The following CTTNBP2 variants were observed in gnomAD, a reference collection of about 807,000 sequenced individuals.
CTTNBP2 encodes cortactin binding protein 2, also known as cortactin-binding protein 2.
CTTNBP2 carries 108 observed loss-of-function variants against 156.9 expected under a neutral mutation model. That is an observed-to-expected ratio of 0.69 (90% CI 0.59 to 0.81). CTTNBP2 has a LOEUF of 0.81. Among genes scored for constraint, CTTNBP2 ranks in the 30% least tolerant of loss-of-function variants. CTTNBP2 has a pLI of 0.00. For synonymous variants in CTTNBP2, 767 were observed against 751.8 expected (o/e 1.02, Z -0.33); for missense variants, 1,924 against 2,035.4 (o/e 0.95, Z 1.05).
chr7:117,864,319 T>TA (rs1482065395), intron 1 of CTTNBP2, among the ~76,000 whole-genome samples: 1 of 152,128 alleles, frequency 6.6e-6, no homozygotes, highest in Non-Finnish European at 1.5e-5. Flanking sequence ...GTTTGAAACA[T>TA]ACAGTGCATC....
At chr7:117,856,322 T>C (rs1160152967) in intron 2 of CTTNBP2, among the ~76,000 whole-genome samples, 4 of 152,226 alleles carry the variant, frequency 2.6e-5, no homozygotes, top group African/African-American at 9.6e-5. Context: ...AGCATGCTGA[T>C]GAGGCTAACT....
chr7:117,815,610 C>G (rs903235621), intron 2 of CTTNBP2, among the ~76,000 whole-genome samples: 12 of 152,136 alleles, frequency 7.9e-5, no homozygotes, highest in Non-Finnish European at 1.6e-4. Flanking sequence ...GGATGCTGGG[C>G]AGCGCTGACT....
chr7:117,811,146 C>T (rs1363992678), intron 2 of CTTNBP2, among the ~76,000 whole-genome samples, 157 bp from the exon 3 acceptor site: 1 of 152,066 alleles, frequency 6.6e-6, no homozygotes, highest in Non-Finnish European at 1.5e-5. Flanking sequence ...AAATGTGACC[C>T]CCAGTCTCCA....
intron 3 of CTTNBP2, among the ~76,000 whole-genome samples, chr7:117,796,061 C>T (rs748545650): frequency 1.3e-5 from 2 of 152,180 alleles, no homozygotes; most frequent in Non-Finnish European, 2.9e-5. Flanking sequence ...AACATTCAAA[C>T]TCACTCACTT....
rs922071824 is a variant in CTTNBP2, at chr7:117,728,159, C to A, written c.3985G>T (p.Glu1329Ter). ...AAATATTTTGGTCCAAGAAGTGCTT[C>A]AGGTGTGCCCAAGCGGGCCAGGCAG... Reference protein sequence around the residue: ...NSCLARLGTPEALLGPKYFLS... With the variant: ...NSCLARLGTP Residue 1329 changes from glutamate (E) to a stop codon, truncating the protein, a stop_gained, in exon 17 of 23, where the codon GAA becomes TAA. Transcript: ENST00000160373. LOFTEE classifies it high-confidence loss of function. The A allele has an allele frequency of 6.2e-7, 1 of 1,614,168 alleles. No homozygotes were observed. The highest frequency in any genetic ancestry group is 8.5e-7 in the Non-Finnish European group (1 of 1,180,012).
At chr7:117,718,432 ATTACC>A (rs940607716) in intron 21 of CTTNBP2, among the ~76,000 whole-genome samples, 2 of 152,256 alleles carry the variant, frequency 1.3e-5, no homozygotes, top group African/African-American at 4.8e-5. Context: ...GATTTTAATC[ATTACC>A]TTACTTTTCC....
intron 9 of CTTNBP2, among the ~76,000 whole-genome samples, chr7:117,764,646 T>C (rs138460714): frequency 1.5e-4 from 23 of 152,326 alleles, no homozygotes; most frequent in African/African-American, 5.5e-4. Flanking sequence ...GTATTTCAGG[T>C]GATTTATATA....
rs1584899820 is a variant in CTTNBP2 at position 117,725,198 on chromosome 7, G to A, written c.4115C>T (p.Ser1372Leu). Residue 1372 changes from serine to leucine, a missense_variant, in exon 18 of 23, where the codon TCA (serine) becomes TTA (leucine). Transcript: ENST00000160373. ...IAPRVQEAIL[S>L]RASVKRQPGF... Reference sequence around the variant, plus strand: ...AGGTTGTCTTTTCACAGAGGCTCTTGACAATATTGCTTCTTGAACTCTGGG... The same window carrying A: ...AGGTTGTCTTTTCACAGAGGCTCTTAACAATATTGCTTCTTGAACTCTGGG... 3 of 1,614,070 alleles carry A rather than the reference G, an allele frequency of 1.9e-6. No individual in the cohort carries two copies. In the East Asian group the frequency reaches 6.7e-5, roughly 36 times the overall value.
intron 4 of CTTNBP2, 118 bp downstream of exon 4, chr7:117,791,010 G>A: frequency 1.3e-6 from 1 of 782,648 alleles, no homozygotes; most frequent in East Asian, 2.5e-5. Context: ...AAAGAAATGG[G>A]GGTGGGGGGA....
In CTTNBP2 at chr7:117,794,877, C is replaced by CTTT. The variant is rs755340586; in HGVS notation, c.415-2099_415-2097dup. Among the ~76,000 whole-genome samples the CTTT allele has an allele frequency of 6.5e-3, 578 of 88,318 alleles. 107 individuals carry two copies. Among genetic ancestry groups the CTTT allele is most frequent in the African/African-American group, 0.025 (478 of 18,948 alleles). The allele number at this position is 88,318 out of a possible 152,430, so 57.9% of individuals were successfully genotyped here. A position where few individuals can be genotyped will look rare whatever the true frequency, so the allele number is the denominator to read the frequency against. ...TCATATACTGTTTTTATATGTATAT[C>CTTT]TTTTTTTTTTTTTTTTTTTTTTTTT... On this transcript the variant is annotated intron_variant, in intron 3 of 22. Coordinates refer to ENST00000160373, the MANE Select transcript of CTTNBP2 (RefSeq NM_033427.3).
chr7:117,857,095 A>T (rs1009969907), intron 2 of CTTNBP2, among the ~76,000 whole-genome samples: 1 of 152,166 alleles, frequency 6.6e-6, no homozygotes, highest in Non-Finnish European at 1.5e-5. Context: ...CACATTCTTT[A>T]TTGAACTGCA....
chr7:117,870,075 T>C (rs1804477554), intron 1 of CTTNBP2, among the ~76,000 whole-genome samples: 1 of 152,212 alleles, frequency 6.6e-6, no homozygotes, highest in Non-Finnish European at 1.5e-5. Context: ...TCTAGATCCA[T>C]CCACTAGGGA....
chr7:117,792,217 G>C lies in CTTNBP2; in HGVS notation c.979C>G (p.Pro327Ala), dbSNP rs1363242502. The change falls in exon 4 of 23, where the codon CCT becomes GCT. Residue 327 changes from proline to alanine, a missense_variant. By Grantham distance (27) the Pro-to-Ala change is conservative. Transcript: ENST00000160373. The surrounding 1 kb of genome is among the most constrained non-coding windows in gnomAD (Gnocchi z 4.2). ...DHMKKLPLTM[P>A]VKPSTGSPLV... The stretch of plus-strand genomic sequence containing the variant: ...GGACTCCCTGTGGAAGGTTTTACAG[G>C]CATGGTTAAAGGCAACTTTTTCATG... 4 of 1,614,070 alleles carry C rather than the reference G, an allele frequency of 2.5e-6. No individual in the cohort carries two copies. The Admixed American group carries it at 5.0e-5, about 20-fold the overall frequency.
chr7:117,793,296 A>G (rs1393004705), intron 3 of CTTNBP2: 1 of 152,178 alleles, frequency 6.6e-6, no homozygotes, highest in Non-Finnish European at 1.5e-5. Flanking sequence ...TCCTATGATG[A>G]GTTGTTGTGG....
intron 2 of CTTNBP2, among the ~76,000 whole-genome samples, chr7:117,844,119 G>A (rs546091355): frequency 6.6e-6 from 1 of 152,182 alleles, no homozygotes; most frequent in South Asian, 2.1e-4. Context: ...TACCCTGCTG[G>A]CCTTGAAGAT....
At chr7:117,828,161 G>A (rs1249415668) in intron 2 of CTTNBP2, among the ~76,000 whole-genome samples, 4 of 152,172 alleles carry the variant, frequency 2.6e-5, no homozygotes. Flanking sequence ...AACCCTGCCA[G>A]TAATTTTACC....
At chr7:117,815,910 G>A (rs1419042125) in intron 2 of CTTNBP2, among the ~76,000 whole-genome samples, 1 of 152,096 alleles carries the variant, frequency 6.6e-6, no homozygotes, top group Non-Finnish European at 1.5e-5. Flanking sequence ...TTAAGTGGGG[G>A]TACTTGTATT....
chr7:117,830,830 A>G (rs1801559248), intron 2 of CTTNBP2, among the ~76,000 whole-genome samples: 1 of 152,214 alleles, frequency 6.6e-6, no homozygotes, highest in African/African-American at 2.4e-5. Context: ...TTGAGGAAGT[A>G]ATGATTGTTT....
At chr7:117,809,804 C>G (rs1031019856) in intron 3 of CTTNBP2, among the ~76,000 whole-genome samples, 4 of 152,134 alleles carry the variant, frequency 2.6e-5, no homozygotes, top group African/African-American at 9.7e-5. Flanking sequence ...GGTTAACCAT[C>G]AACTAGGTGT....
Sources: gnomAD v4.1 joint callset for allele counts (sites outside exome capture counted in the v4.1 genomes callset) on GRCh38, gnomAD v4.1.1 for gene constraint, Gnocchi (gnomAD v3.1) non-coding constraint, MANE v1.5 for transcripts, NCBI Gene and HGNC (gene_info 2026-07-23, HGNC 2026-07-21) for gene names.